Variants in BBX observed in about 807,000 individuals in gnomAD.
The protein encoded by BBX is HMG box transcription factor BBX.
BBX carries 30 observed loss-of-function variants against 100.2 expected under a neutral mutation model. The observed-to-expected ratio is 0.30, with a 90% CI of 0.22 to 0.41. The LOEUF (loss-of-function observed/expected upper bound fraction) is 0.41, where lower values mean the gene tolerates loss of function less well. Ranked by LOEUF, BBX falls within the 10% of genes least tolerant of loss-of-function variation. BBX has a pLI of 1.00. For missense variants in BBX, 1,023 were observed against 1,129.8 expected, an observed-to-expected ratio of 0.91 and a Z score of 1.35; for synonymous variants, 376 against 388.1, an observed-to-expected ratio of 0.97 and a Z score of 0.37.
At chr3:107,691,093 GAC>G (rs2060143204) in intron 3 of BBX, among the ~76,000 whole-genome samples, 1 of 151,752 alleles carries the variant, frequency 6.6e-6, no homozygotes, top group Non-Finnish European at 1.5e-5. Flanking sequence ...TTTTTGTAGA[GAC>G]AGAGTCTGAT....
intron 13 of BBX, among the ~76,000 whole-genome samples, chr3:107,784,429 T>C (rs926416038): frequency 2.6e-5 from 4 of 151,802 alleles, no homozygotes; most frequent in African/African-American, 7.3e-5. Flanking sequence ...CCAATAAATA[T>C]AAAAGGATTG....
intron 4 of BBX, chr3:107,711,389 C>A (rs1411363028): frequency 2.2e-6 from 1 of 456,672 alleles, no homozygotes; most frequent in East Asian, 7.0e-5. Flanking sequence ...TAGATGTATG[C>A]TGAATGAAAG....
chr3:107,635,961 C>T (rs781235203), intron 2 of BBX, among the ~76,000 whole-genome samples: 23 of 152,156 alleles, frequency 1.5e-4, no homozygotes, highest in Admixed American at 1.2e-3. Context: ...CCTCCCGCCT[C>T]GGCCTCCCAA....
At chr3:107,618,042 T>A (rs1553746127) in intron 2 of BBX, among the ~76,000 whole-genome samples, 1 of 151,982 alleles carries the variant, frequency 6.6e-6, no homozygotes, top group Non-Finnish European at 1.5e-5. Flanking sequence ...CAAGTTAAAG[T>A]TTCCTTTGAT....
chr3:107,553,706 A>T (rs1009612966), intron 2 of BBX, among the ~76,000 whole-genome samples: 2 of 152,186 alleles, frequency 1.3e-5, no homozygotes, highest in Non-Finnish European at 2.9e-5. Context: ...GTCACTGAGA[A>T]CTTGAGGTCT....
intron 4 of BBX, 123 bp from the exon 5 acceptor site, chr3:107,716,484 T>C: frequency 2.5e-6 from 3 of 1,187,660 alleles, no homozygotes; most frequent in Non-Finnish European, 3.5e-6. Flanking sequence ...TTATATTTTT[T>C]TCAATGTGTA....
chr3:107,543,972 A>C (rs1396697575), intron 2 of BBX, among the ~76,000 whole-genome samples: 1 of 152,262 alleles, frequency 6.6e-6, no homozygotes, highest in Non-Finnish European at 1.5e-5. Context: ...TGTCACTCGG[A>C]CTGAATCCAT....
At chr3:107,613,502 A>G (rs956726924) in intron 2 of BBX, among the ~76,000 whole-genome samples, 1 of 151,930 alleles carries the variant, frequency 6.6e-6, no homozygotes, top group South Asian at 2.1e-4. Flanking sequence ...CCATGTATGT[A>G]TGTGTGAACT....
intron 2 of BBX, among the ~76,000 whole-genome samples, chr3:107,616,895 A>C (rs994526437): frequency 6.6e-6 from 1 of 152,140 alleles, no homozygotes; most frequent in Non-Finnish European, 1.5e-5. Flanking sequence ...TTCAAATTTC[A>C]AAGTCCAGAT....
intron 2 of BBX, among the ~76,000 whole-genome samples, chr3:107,551,270 A>C (rs1392871491): frequency 6.6e-6 from 1 of 152,218 alleles, no homozygotes; most frequent in Non-Finnish European, 1.5e-5. Context: ...TTAGTTAATT[A>C]TTTGATGCTG....
intron 2 of BBX, among the ~76,000 whole-genome samples, chr3:107,562,692 A>T (rs965464905): frequency 6.6e-6 from 1 of 152,108 alleles, no homozygotes; most frequent in Non-Finnish European, 1.5e-5. Context: ...TTTACACTTC[A>T]TATTTTAGAA....
chr3:107,782,290 T>C (rs1228863973), intron 13 of BBX, among the ~76,000 whole-genome samples: 1 of 151,402 alleles, frequency 6.6e-6, no homozygotes, highest in Non-Finnish European at 1.5e-5. Context: ...TGGGAGCACA[T>C]TGCTATAAAT....
intron 7 of BBX, among the ~76,000 whole-genome samples, chr3:107,736,531 CT>C (rs1209065697): frequency 6.6e-6 from 1 of 151,768 alleles, no homozygotes; most frequent in Non-Finnish European, 1.5e-5. Context: ...AGAATTAAGC[CT>C]TTATGTTTTA....
At chr3:107,652,709 C>T (rs2057911024) in intron 3 of BBX, among the ~76,000 whole-genome samples, 1 of 152,156 alleles carries the variant, frequency 6.6e-6, no homozygotes, top group African/African-American at 2.4e-5. Flanking sequence ...TCCCTCTGAT[C>T]TCTATTATAG....
chr3:107,548,718 G>A (rs1282537707), intron 2 of BBX, among the ~76,000 whole-genome samples: 1 of 152,102 alleles, frequency 6.6e-6, no homozygotes, highest in African/African-American at 2.4e-5. Context: ...GTTTACCATA[G>A]CAAAGACGTG....
intron 2 of BBX, among the ~76,000 whole-genome samples, chr3:107,627,887 T>G (rs1487188213): frequency 6.6e-6 from 1 of 152,086 alleles, no homozygotes; most frequent in Non-Finnish European, 1.5e-5. Context: ...TTCTTTTTTC[T>G]TAGAATGCCT....
intron 3 of BBX, among the ~76,000 whole-genome samples, chr3:107,691,917 T>C (rs1419515822): frequency 2.0e-5 from 3 of 152,126 alleles, no homozygotes; most frequent in East Asian, 1.9e-4. Flanking sequence ...GTATTCTTTT[T>C]TTGCTTTTGA....
At chr3:107,778,605 C>A (rs2107825250) in intron 13 of BBX, 86 bp downstream of exon 13, 1 of 1,428,286 alleles carries the variant, frequency 7.0e-7, no homozygotes. Flanking sequence ...TTAGACATAT[C>A]ATTGGATTTG....
intron 3 of BBX, among the ~76,000 whole-genome samples, chr3:107,672,886 G>A (rs780739264): frequency 6.6e-6 from 1 of 151,906 alleles, no homozygotes; most frequent in Non-Finnish European, 1.5e-5. Context: ...AACTTTTGTT[G>A]GCTTTAGAAT....
Sources: allele counts gnomAD v4.1 joint callset (sites outside exome capture counted in the v4.1 genomes callset), GRCh38; gene constraint gnomAD v4.1.1; transcripts MANE v1.5; gene names NCBI Gene and HGNC (gene_info 2026-07-23, HGNC 2026-07-21).